Variants in LSM4 observed in about 807,000 individuals in gnomAD.
LSM4 encodes the protein U6 snRNA-associated Sm-like protein LSm4.
LSM4 carries 15 observed loss-of-function variants against 22.3 expected under a neutral mutation model. The observed-to-expected ratio is 0.67, with a 90% CI of 0.45 to 1.03. The LOEUF is 1.03. Among genes scored for constraint, LSM4 ranks in the 50% least tolerant of loss-of-function variants. The pLI, the probability that LSM4 is intolerant of heterozygous loss-of-function variation, is 0.00. For synonymous variants in LSM4, 90 were observed against 79.8 expected (o/e 1.13, Z -0.68); for missense variants, 127 against 198.0 (o/e 0.64, Z 2.15).
rs1232498275 is a variant in LSM4, at chr19:18,307,413, G to A, written c.*51C>T. The A allele has an allele frequency of 1.1e-5, 15 of 1,422,600 alleles. No homozygotes were observed. The highest frequency in any genetic ancestry group is 8.7e-5 in the African/African-American group (6 of 68,868). The allele number at this position is 1,422,600 out of a possible 1,614,324, so 88.1% of individuals were successfully genotyped here. A position where few individuals can be genotyped will look rare whatever the true frequency, so the allele number is the denominator to read the frequency against. On this transcript the variant is annotated 3_prime_UTR_variant, in exon 5 of 5. Coordinates refer to ENST00000593829, the MANE Select transcript of LSM4 (RefSeq NM_012321.5). Reference sequence around the variant, plus strand: ...GCAGATCCGTCCGAGACTGTGGAGCGGAATCGCCACCCTGGCAGGAGGGGG... The same window carrying A: ...GCAGATCCGTCCGAGACTGTGGAGCAGAATCGCCACCCTGGCAGGAGGGGG...
chr19:18,309,762 C>T lies in LSM4; in HGVS notation c.244G>A (p.Glu82Lys). ...PDEIIDMVKE[E>K]VVAKGRGRGG... ...CGGCCGCGGCCCTTGGCCACCACCT[C>T]CTCCTTGACCATGTCGATGATCTCG... is the stretch of plus-strand genomic sequence containing the variant. Residue 82 changes from glutamate to lysine, a missense_variant, in exon 4 of 5, where the codon GAG (glutamate) becomes AAG (lysine). Coordinates refer to ENST00000593829, the MANE Select transcript of LSM4 (RefSeq NM_012321.5). 1 of 1,613,852 alleles carries T rather than the reference C, an allele frequency of 6.2e-7. No homozygotes were observed. Among genetic ancestry groups the T allele is most frequent in the Non-Finnish European group, 8.5e-7 (1 of 1,179,920 alleles).
At chr19:18,310,061 C>T in intron 3 of LSM4, 200 bp from the exon 4 acceptor site, 1 of 568,742 alleles carries the variant, frequency 1.8e-6, no homozygotes, top group Admixed American at 3.6e-5. Flanking sequence ...AATCCTTCAC[C>T]CAGGAGCAAG....
At chr19:18,312,880 G>A (rs1367958482) in intron 2 of LSM4, among the ~76,000 whole-genome samples, 178 bp from the exon 3 acceptor site, 1 of 152,144 alleles carries the variant, frequency 6.6e-6, no homozygotes, top group African/African-American at 2.4e-5. Flanking sequence ...TAGACACTTC[G>A]CTGGCAGTTA....
Position 18,322,992 on chromosome 19 carries a change from A to G in LSM4, c.3+26T>C, listed in dbSNP as rs764115348. On this transcript the variant is annotated intron_variant, in intron 1 of 4. Coordinates refer to ENST00000593829, the MANE Select transcript of LSM4 (RefSeq NM_012321.5). ...CGACTGCTGTTCCCGCCTCCCGGTGAGACCCCGCAGTTGCCCTGCCCTCAC... is the reference window on the plus strand; with the variant it reads ...CGACTGCTGTTCCCGCCTCCCGGTGGGACCCCGCAGTTGCCCTGCCCTCAC... 3.0e-5 allele frequency: 47 copies of G among 1,592,386 alleles called. 1 individual carries two copies. In the Middle Eastern group the frequency reaches 7.6e-4, roughly 26 times the overall value.
In LSM4 at chr19:18,306,848, G is replaced by A. The variant is rs1340028305; in HGVS notation, c.*616C>T. ...AACGGGGATTTCCTGAGAGTCCAGC[G>A]ATGGACAGAGGGCAGGAGACCCGCT... On this transcript the variant is annotated 3_prime_UTR_variant, in exon 5 of 5. Coordinates refer to ENST00000593829, the MANE Select transcript of LSM4 (RefSeq NM_012321.5). The A allele has an allele frequency of 2.0e-5, 3 of 152,276 alleles. No homozygotes were observed. The highest frequency in any genetic ancestry group is 4.4e-5 in the Non-Finnish European group (3 of 68,068). The allele number at this position is 152,276 out of a possible 1,614,324, so 9.4% of individuals were successfully genotyped here. A position where few individuals can be genotyped will look rare whatever the true frequency, so the allele number is the denominator to read the frequency against.
rs35435536 is a variant in LSM4, at chr19:18,316,337, A to ATT, written c.4-274_4-273dup. ...CTCTTGGTGCTGAACACTCTGGTCA[A>ATT]TTTTTTTTTTTTTTTTTTTTTTGAG... On this transcript the variant is annotated intron_variant, in intron 1 of 4. Transcript: ENST00000593829. The ATT allele has an allele frequency of 8.0e-3, 986 of 123,068 alleles. 6 individuals are homozygous for ATT. The highest frequency in any genetic ancestry group is 0.017 in the South Asian group (113 of 6,580). The allele number at this position is 123,068 out of a possible 1,614,324, so 7.6% of individuals were successfully genotyped here.
rs1373508084 is a variant in LSM4 at position 18,307,313 on chromosome 19, A to G, written c.*151T>C. 1 of 523,014 alleles carries G rather than the reference A, an allele frequency of 1.9e-6. No homozygotes were observed. The highest frequency in any genetic ancestry group is 2.0e-5 in the African/African-American group (1 of 50,556). 32.4% of individuals were successfully genotyped at this position (523,014 alleles called of 1,614,324 possible). A position where few individuals can be genotyped will look rare whatever the true frequency, so the allele number is the denominator to read the frequency against. On this transcript the variant is annotated 3_prime_UTR_variant, in exon 5 of 5. Transcript: ENST00000593829. ...GAGAATTGCCGGTTTTAGCAAGAAA[A>G]AGGGGCTTCACCTAAAAGGGAGGGT... is the stretch of plus-strand genomic sequence containing the variant.
chr19:18,314,833 C>T (rs1970336909), intron 2 of LSM4, among the ~76,000 whole-genome samples: 1 of 152,072 alleles, frequency 6.6e-6, no homozygotes, highest in African/African-American at 2.4e-5. Context: ...CAACCTGTGA[C>T]TGCACCAAAT....
At chr19:18,320,767 G>A (rs921147756) in intron 1 of LSM4, among the ~76,000 whole-genome samples, 4 of 152,114 alleles carry the variant, frequency 2.6e-5, no homozygotes, top group Non-Finnish European at 5.9e-5. Context: ...CTGCACTTCA[G>A]CCTGGGCGAC....
chr19:18,309,566 G>A (rs1970273951), intron 4 of LSM4, 112 bp downstream of exon 4: 2 of 1,200,714 alleles, frequency 1.7e-6, no homozygotes, highest in African/African-American at 3.1e-5. Flanking sequence ...GGGGGGCCCG[G>A]GAGGGTTGGG....
chr19:18,307,338 T>A lies in LSM4; in HGVS notation c.*126A>T. The stretch of plus-strand genomic sequence containing the variant: ...AAGGGGCTTCACCTAAAAGGGAGGG[T>A]CACAAAACACGAAGGGGGTTCCCCC... On this transcript the variant is annotated 3_prime_UTR_variant, in exon 5 of 5. Coordinates refer to ENST00000593829, the MANE Select transcript of LSM4 (RefSeq NM_012321.5). The A allele has an allele frequency of 1.5e-6, 1 of 650,208 alleles. No homozygotes were observed. The highest frequency in any genetic ancestry group is 2.3e-6 in the Non-Finnish European group (1 of 438,968). The allele number at this position is 650,208 out of a possible 1,614,324, so 40.3% of individuals were successfully genotyped here.
chr19:18,316,649 A>AAT lies in LSM4; in HGVS notation c.4-586_4-585dup, dbSNP rs199564152. Among the ~76,000 whole-genome samples the AAT allele has an allele frequency of 9.9e-5, 15 of 151,968 alleles. No individual in the cohort carries two copies. In the East Asian group the frequency reaches 2.9e-3, roughly 29 times the overall value. On this transcript the variant is annotated intron_variant, in intron 1 of 4. Coordinates refer to ENST00000593829, the MANE Select transcript of LSM4 (RefSeq NM_012321.5). ...AGGCATGAGCCACCGTGCCTGCCCT[A>AAT]ATGCTTGTATTTTAAGCTCAAACTG...
At chr19:18,317,360 T>G in intron 1 of LSM4, among the ~76,000 whole-genome samples, 1 of 135,784 alleles carries the variant, frequency 7.4e-6, no homozygotes, top group African/African-American at 2.9e-5. Flanking sequence ...TGAGACGGAG[T>G]CTCGCTCTGT....
At chr19:18,321,150 GA>G (rs913955266) in intron 1 of LSM4, among the ~76,000 whole-genome samples, 1 of 152,244 alleles carries the variant, frequency 6.6e-6, no homozygotes, top group African/African-American at 2.4e-5. Flanking sequence ...TGGATGTTCA[GA>G]AGGTGGGAAG....
intron 1 of LSM4, among the ~76,000 whole-genome samples, chr19:18,317,847 C>T (rs1426604540): frequency 6.6e-6 from 1 of 152,082 alleles, no homozygotes; most frequent in Non-Finnish European, 1.5e-5. Context: ...TGTTTTTTTC[C>T]ATCATTACTG....
chr19:18,321,401 G>A (rs1347786576), intron 1 of LSM4, among the ~76,000 whole-genome samples: 1 of 152,144 alleles, frequency 6.6e-6, no homozygotes, highest in Non-Finnish European at 1.5e-5. Context: ...TTATGACAGT[G>A]AAAAGAGATC....
intron 4 of LSM4, among the ~76,000 whole-genome samples, chr19:18,309,071 C>T (rs1390611364): frequency 6.6e-6 from 1 of 152,166 alleles, no homozygotes; most frequent in African/African-American, 2.4e-5. Flanking sequence ...CTGCCCCTCC[C>T]TCGGGCTCAC....
At chr19:18,313,760 C>T (rs1970322771) in intron 2 of LSM4, among the ~76,000 whole-genome samples, 1 of 152,192 alleles carries the variant, frequency 6.6e-6, no homozygotes, top group East Asian at 1.9e-4. Context: ...AAGTGATCCT[C>T]CTGTCTTGGC....
chr19:18,310,749 A>G (rs1970289739), intron 3 of LSM4, among the ~76,000 whole-genome samples: 2 of 151,648 alleles, frequency 1.3e-5, no homozygotes, highest in African/African-American at 4.8e-5. Flanking sequence ...GAACCCACCC[A>G]GGGCCCCCTC....
Sources: allele counts gnomAD v4.1 joint callset (sites outside exome capture counted in the v4.1 genomes callset), GRCh38; gene constraint gnomAD v4.1.1; transcripts MANE v1.5; gene names NCBI Gene and HGNC (gene_info 2026-07-23, HGNC 2026-07-21).